CD8B: variants seen among roughly 807,000 people sequenced by gnomAD.
The protein encoded by CD8B is T-cell surface glycoprotein CD8 beta chain.
Under a neutral mutation model 24.2 loss-of-function variants are expected in CD8B, and 6 were observed. That is an observed-to-expected ratio of 0.25 (90% CI 0.14 to 0.49). The LOEUF is 0.49. Among genes scored for constraint, CD8B ranks in the 20% least tolerant of loss-of-function variants. CD8B has a pLI of 0.98. For synonymous variants in CD8B, 84 were observed against 108.3 expected (o/e 0.78, Z 1.39); for missense variants, 196 against 271.3 (o/e 0.72, Z 1.95).
intron 5 of CD8B, among the ~76,000 whole-genome samples, chr2:86,816,515 A>G (rs1331570270): frequency 6.6e-6 from 1 of 152,216 alleles, no homozygotes; most frequent in Non-Finnish European, 1.5e-5. Context: ...TCCACATATC[A>G]TGATTTATAA....
At chr2:86,855,126 A>AG (rs1188740463) in intron 2 of CD8B, among the ~76,000 whole-genome samples, 1 of 152,056 alleles carries the variant, frequency 6.6e-6, no homozygotes, top group Non-Finnish European at 1.5e-5. Flanking sequence ...CAAAAAAAAA[A>AG]AAGGTTTTGG....
At chr2:86,858,555 C>A in intron 1 of CD8B, 139 bp from the exon 2 acceptor site, 1 of 1,437,724 alleles carries the variant, frequency 7.0e-7, no homozygotes, top group Non-Finnish European at 9.1e-7. Flanking sequence ...GTGTGTTGAG[C>A]GCAGCTGTTG....
At chr2:86,852,529 C>T (rs1355134714) in intron 3 of CD8B, among the ~76,000 whole-genome samples, 1 of 151,884 alleles carries the variant, frequency 6.6e-6, no homozygotes, top group South Asian at 2.1e-4. Context: ...AACCAATCTA[C>T]ATTCTGTCTC....
intron 2 of CD8B, among the ~76,000 whole-genome samples, chr2:86,857,409 C>T (rs952421860): frequency 5.3e-5 from 8 of 152,188 alleles, no homozygotes; most frequent in African/African-American, 1.9e-4. Context: ...GACAGCACTG[C>T]CCTGTCCCCA....
At chr2:86,826,576 G>A (rs1023328789) in intron 5 of CD8B, among the ~76,000 whole-genome samples, 1 of 152,074 alleles carries the variant, frequency 6.6e-6, no homozygotes, top group Non-Finnish European at 1.5e-5. Context: ...GAACCCTAAC[G>A]ACCATCTTAA....
At chr2:86,833,613 C>T (rs1242041389), downstream of CD8B, among the ~76,000 whole-genome samples, 1 of 135,438 alleles carries the variant, frequency 7.4e-6, no homozygotes, top group Non-Finnish European at 1.6e-5. Context: ...GCCCATTTCT[C>T]CCTCTTTTTC....
Position 86,858,040 on chromosome 2 carries a change from T to C in CD8B, c.403+17A>G, listed in dbSNP as rs13403028. The C allele has an allele frequency of 8.8e-4, 1,426 of 1,612,308 alleles. 2 individuals are homozygous for C. In the African/African-American group the frequency reaches 0.015, roughly 17 times the overall value. On this transcript the variant is annotated intron_variant, in intron 2 of 5. Coordinates refer to ENST00000390655, the MANE Select transcript of CD8B (RefSeq NM_004931.5). ...ACACAATCGGTGCTCACTGATAGCA[T>C]TGAGCCTGCTTCTTACCCACACTCA...
rs1445179093 is a variant in CD8B, at chr2:86,853,013, C to A, written c.477G>T (p.Arg159Ser). 1.0e-5 allele frequency: 16 copies of A among 1,535,720 alleles called. No individual in the cohort carries two copies. Among genetic ancestry groups the A allele is most frequent in the Non-Finnish European group, 1.4e-5 (16 of 1,140,070 alleles). ...GGAACTCACCCTTCTGGGTCTCTGG[C>A]CTGGGTAACCGGCACACTCTCTTCT... ...TLKKRVCRLP[R>S]PETQKGPLCS... The change falls in exon 3 of 6, where the codon AGG (arginine) becomes AGT (serine). Residue 159 changes from arginine (R) to serine (S), a missense_variant. By Grantham distance (110) the Arg-to-Ser change is moderately radical (BLOSUM62 -1). Transcript: ENST00000390655.
chr2:86,856,184 T>G (rs1676231623), intron 2 of CD8B, among the ~76,000 whole-genome samples: 1 of 152,080 alleles, frequency 6.6e-6, no homozygotes, highest in African/African-American at 2.4e-5. Flanking sequence ...GGCATTGACA[T>G]TCCTATAGTG....
At chr2:86,823,491 G>A (rs1369890380) in intron 5 of CD8B, among the ~76,000 whole-genome samples, 1 of 152,000 alleles carries the variant, frequency 6.6e-6, no homozygotes, top group East Asian at 1.9e-4. Flanking sequence ...TGTTGCCCAG[G>A]CTGGTCTCAA....
At chr2:86,834,338 GA>G (rs1405301912), downstream of CD8B, among the ~76,000 whole-genome samples, 3 of 151,882 alleles carry the variant, frequency 2.0e-5, no homozygotes, top group Non-Finnish European at 4.4e-5. Flanking sequence ...GTATGCAAAT[GA>G]CAGATTATTA....
chr2:86,855,155 A>G (rs1676173442), intron 2 of CD8B, among the ~76,000 whole-genome samples: 1 of 152,026 alleles, frequency 6.6e-6, no homozygotes, highest in African/African-American at 2.4e-5. Context: ...AAGGGGGAAC[A>G]GGCAGGGGAA....
In CD8B at chr2:86,844,528, T is replaced by A. The variant is rs1172423929; in HGVS notation, c.620+394A>T. 9 of 872,838 alleles carry A rather than the reference T, an allele frequency of 1.0e-5. No individual in the cohort carries two copies. In the African/African-American group the frequency reaches 1.2e-4, roughly 12 times the overall value. 54.1% of individuals were successfully genotyped at this position (872,838 alleles called of 1,614,324 possible). On this transcript the variant is annotated intron_variant, in intron 5 of 5. Transcript: ENST00000390655. ...TTCTGTGCATGCAAAGCCTGATTGC[T>A]CTCCTCAGGAGAGCTAAGAATGTTC...
chr2:86,815,542 T>C (rs920049103), downstream of CD8B: 11 of 1,000,580 alleles, frequency 1.1e-5, no homozygotes, highest in Non-Finnish European at 1.8e-5. Context: ...GGAGGATCCC[T>C]CTGAGCGAGG....
intron 2 of CD8B, among the ~76,000 whole-genome samples, chr2:86,857,518 A>G (rs2104580800): frequency 6.6e-6 from 1 of 152,252 alleles, no homozygotes; most frequent in South Asian, 2.1e-4. Context: ...CAGGAGTTCA[A>G]GACCCACCTG....
At chr2:86,835,834 C>T (rs1211085755), downstream of CD8B, among the ~76,000 whole-genome samples, 1 of 150,662 alleles carries the variant, frequency 6.6e-6, no homozygotes, top group Non-Finnish European at 1.5e-5. Context: ...CCGGGTCTTT[C>T]TCTGGTCTGT....
chr2:86,820,827 TAAC>T (rs575104251), intron 5 of CD8B, among the ~76,000 whole-genome samples: 10 of 152,262 alleles, frequency 6.6e-5, no homozygotes, highest in African/African-American at 2.2e-4. Context: ...ATCATTAAGA[TAAC>T]AATGCTAGCA....
chr2:86,817,835 G>A (rs1469265943), intron 5 of CD8B, among the ~76,000 whole-genome samples: 1 of 152,164 alleles, frequency 6.6e-6, no homozygotes, highest in Non-Finnish European at 1.5e-5. Flanking sequence ...TAAACTTGAA[G>A]CTAGTATGTT....
chr2:86,832,573 T>C (rs1410600844), intron 5 of CD8B, among the ~76,000 whole-genome samples: 1 of 151,116 alleles, frequency 6.6e-6, no homozygotes, highest in African/African-American at 2.4e-5. Context: ...CCTGCTCGAG[T>C]GGGGAATAAA....
Sources: gnomAD v4.1 joint callset for allele counts (sites outside exome capture counted in the v4.1 genomes callset) on GRCh38, gnomAD v4.1.1 for gene constraint, MANE v1.5 for transcripts, NCBI Gene and HGNC (gene_info 2026-07-23, HGNC 2026-07-21) for gene names.